TMEM135: variants seen among roughly 807,000 people sequenced by gnomAD.
TMEM135 encodes peroxisomal membrane protein 52.
Under a neutral mutation model 60.3 loss-of-function variants are expected in TMEM135, and 30 were observed. The ratio of observed to expected loss-of-function variants is 0.50; its 90% confidence interval spans 0.37 to 0.68. The LOEUF is 0.68. TMEM135 is among the 30% of genes least tolerant of loss of function. The probability of loss-of-function intolerance (pLI) is 0.00; values close to 1 mark genes in which losing one functional copy is unlikely to be tolerated. For synonymous variants in TMEM135, 190 were observed against 186.7 expected, an observed-to-expected ratio of 1.02 and a Z score of -0.14; for missense variants, 468 against 548.8, an observed-to-expected ratio of 0.85 and a Z score of 1.47.
intron 3 of TMEM135, among the ~76,000 whole-genome samples, chr11:87,074,903 T>G (rs1297194303): frequency 6.6e-6 from 1 of 152,114 alleles, no homozygotes; most frequent in Non-Finnish European, 1.5e-5. Flanking sequence ...CTAGTCAAGG[T>G]TGATGTGTGT....
rs1040150280 is a variant in TMEM135, at chr11:87,172,193, A to G, written c.462+14787A>G. 4.0e-4 allele frequency among the ~76,000 whole-genome samples: 61 copies of G among 152,262 alleles called. 1 individual carries two copies. Among genetic ancestry groups the G allele is most frequent in the African/African-American group, 1.4e-3 (58 of 41,566 alleles). ...GGTCCAGTTTGGGGCTCCAGTATCT[A>G]TATTTTTTAAAATGTCCGCTGATTT... On this transcript the variant is annotated intron_variant, in intron 5 of 14. Transcript: ENST00000305494.
At chr11:87,286,946 CTT>C (rs1033950299) in intron 6 of TMEM135, among the ~76,000 whole-genome samples, 2 of 152,140 alleles carry the variant, frequency 1.3e-5, no homozygotes, top group Non-Finnish European at 2.9e-5. Flanking sequence ...AATAATGTAA[CTT>C]TTAATTTTGA....
intron 5 of TMEM135, among the ~76,000 whole-genome samples, chr11:87,185,854 A>G (rs368669246): frequency 4.6e-4 from 70 of 151,974 alleles, no homozygotes; most frequent in African/African-American, 1.7e-3. Context: ...ATAAATCATT[A>G]TTAGGAAATC....
intron 3 of TMEM135, among the ~76,000 whole-genome samples, chr11:87,080,652 A>G (rs907913904): frequency 1.3e-5 from 2 of 151,880 alleles, no homozygotes; most frequent in African/African-American, 4.8e-5. Context: ...TAGCTCAGAT[A>G]TTATTTGTTC....
chr11:87,324,201 C>T lies in TMEM135; in HGVS notation c.*2868C>T, dbSNP rs1385054377. 1 of 453,980 alleles carries T rather than the reference C, an allele frequency of 2.2e-6. No homozygotes were observed. Among genetic ancestry groups the T allele is most frequent in the African/African-American group, 2.0e-5 (1 of 50,064 alleles). 28.1% of individuals were successfully genotyped at this position (453,980 alleles called of 1,614,324 possible). On this transcript the variant is annotated 3_prime_UTR_variant, in exon 15 of 15. Transcript: ENST00000305494. Reference sequence around the variant, plus strand: ...TTTCCTGCTTATATTTTATCATATCCCTGAGCTTCTGTGTGCTCTACATTT... The same window carrying T: ...TTTCCTGCTTATATTTTATCATATCTCTGAGCTTCTGTGTGCTCTACATTT...
intron 4 of TMEM135, among the ~76,000 whole-genome samples, chr11:87,103,800 G>A (rs539329773): frequency 4.6e-4 from 70 of 152,016 alleles, no homozygotes; most frequent in African/African-American, 1.7e-3. Context: ...GGACTACAGC[G>A]CATGTCACTA....
chr11:87,322,623 T>G lies in TMEM135; in HGVS notation c.*1290T>G. On this transcript the variant is annotated 3_prime_UTR_variant, in exon 15 of 15. Coordinates refer to ENST00000305494, the MANE Select transcript of TMEM135 (RefSeq NM_022918.4). ...TAAAATACATTTTGTTGCTAAAAAG[T>G]TTTTAGGCCAGTGCAAATTATGCAG... 2.2e-6 allele frequency: 1 copy of G among 453,776 alleles called. No individual in the cohort carries two copies. The highest frequency in any genetic ancestry group is 2.0e-5 in the African/African-American group (1 of 50,104). 28.1% of individuals were successfully genotyped at this position (453,776 alleles called of 1,614,324 possible). A position where few individuals can be genotyped will look rare whatever the true frequency, so the allele number is the denominator to read the frequency against.
intron 6 of TMEM135, chr11:87,277,206 A>G (rs1259244641): frequency 3.2e-6 from 1 of 310,696 alleles, no homozygotes; most frequent in Non-Finnish European, 6.6e-6. Context: ...ATCTCAGCTC[A>G]CTACAACCTG....
intron 11 of TMEM135, 152 bp from the exon 12 acceptor site, chr11:87,314,319 C>T: frequency 7.9e-6 from 5 of 632,030 alleles, no homozygotes; most frequent in Middle Eastern, 4.4e-4. Context: ...ATATCTCACC[C>T]CATTTTAATG....
intron 5 of TMEM135, among the ~76,000 whole-genome samples, chr11:87,158,244 T>C (rs1315065418): frequency 3.9e-5 from 6 of 152,116 alleles, no homozygotes; most frequent in Non-Finnish European, 8.8e-5. Flanking sequence ...TCCCTATTCT[T>C]GAATTAAGTT....
intron 4 of TMEM135, among the ~76,000 whole-genome samples, chr11:87,146,994 TG>T (rs1475912173): frequency 6.6e-6 from 1 of 152,134 alleles, no homozygotes; most frequent in Non-Finnish European, 1.5e-5. Context: ...TTCTATAAGA[TG>T]ATGCCTACGT....
At chr11:87,279,154 A>T (rs1181676661) in intron 6 of TMEM135, among the ~76,000 whole-genome samples, 1 of 152,132 alleles carries the variant, frequency 6.6e-6, no homozygotes, top group African/African-American at 2.4e-5. Context: ...GGCAATTTAT[A>T]TCACATGTAC....
chr11:87,053,936 A>G (rs1949867241), intron 1 of TMEM135, among the ~76,000 whole-genome samples: 1 of 152,150 alleles, frequency 6.6e-6, no homozygotes, highest in South Asian at 2.1e-4. Flanking sequence ...TAGGATATGA[A>G]TCTGTTTTAT....
At chr11:87,289,245 G>C (rs1213378419) in intron 6 of TMEM135, among the ~76,000 whole-genome samples, 1 of 151,972 alleles carries the variant, frequency 6.6e-6, no homozygotes, top group Non-Finnish European at 1.5e-5. Flanking sequence ...TATTAGATCT[G>C]GGTAATTGGC....
At chr11:87,056,226 G>A (rs1373929415) in intron 1 of TMEM135, among the ~76,000 whole-genome samples, 1 of 152,158 alleles carries the variant, frequency 6.6e-6, no homozygotes, top group Non-Finnish European at 1.5e-5. Flanking sequence ...TTATTAATTT[G>A]TTCCTTTAAC....
chr11:87,039,554 C>G (rs1490432233), intron 1 of TMEM135, among the ~76,000 whole-genome samples: 1 of 152,196 alleles, frequency 6.6e-6, no homozygotes, highest in Non-Finnish European at 1.5e-5. Flanking sequence ...TGTGGCCAGT[C>G]TATGTCTCAG....
chr11:87,143,105 A>G (rs1477653273), intron 4 of TMEM135, among the ~76,000 whole-genome samples: 1 of 152,002 alleles, frequency 6.6e-6, no homozygotes, highest in African/African-American at 2.4e-5. Context: ...TGTTGAGCTC[A>G]TCTAGCAAAT....
chr11:87,182,264 CAAATT>C (rs1286133722), intron 5 of TMEM135, among the ~76,000 whole-genome samples: 1 of 151,982 alleles, frequency 6.6e-6, no homozygotes, highest in Non-Finnish European at 1.5e-5. Context: ...ATTCTGCACT[CAAATT>C]AAGATAAGAA....
rs1287212755 is a variant in TMEM135 at position 87,324,232 on chromosome 11, G to A, written c.*2899G>A. On this transcript the variant is annotated 3_prime_UTR_variant, in exon 15 of 15. Transcript: ENST00000305494. The stretch of plus-strand genomic sequence containing the variant: ...CTTCTGTGTGCTCTACATTTCATAG[G>A]TAATGAAAAGCAATGTCCTTTACTC... 2.2e-6 allele frequency: 1 copy of A among 453,932 alleles called. No homozygotes were observed. Among genetic ancestry groups the A allele is most frequent in the South Asian group, 1.6e-5 (1 of 64,468 alleles). 28.1% of individuals were successfully genotyped at this position (453,932 alleles called of 1,614,324 possible).
Sources: gnomAD v4.1 joint callset for allele counts (sites outside exome capture counted in the v4.1 genomes callset) on GRCh38, gnomAD v4.1.1 for gene constraint, MANE v1.5 for transcripts, NCBI Gene and HGNC (gene_info 2026-07-23, HGNC 2026-07-21) for gene names.